The following FAM78B variants were observed in gnomAD, a reference collection of about 807,000 sequenced individuals.
FAM78B encodes the protein protein FAM78B.
FAM78B carries 10 observed loss-of-function variants against 20.0 expected under a neutral mutation model. That is an observed-to-expected ratio of 0.50 (90% CI 0.31 to 0.85). FAM78B has a LOEUF of 0.85. Among genes scored for constraint, FAM78B ranks in the 40% least tolerant of loss-of-function variants. The probability of loss-of-function intolerance (pLI) is 0.05; values close to 1 mark genes in which losing one functional copy is unlikely to be tolerated. For synonymous variants in FAM78B, 135 were observed against 132.8 expected (o/e 1.02, Z -0.12); for missense variants, 283 against 345.0 (o/e 0.82, Z 1.42).
intron 1 of FAM78B, among the ~76,000 whole-genome samples, chr1:166,151,714 AC>A (rs1288320383): frequency 6.6e-6 from 1 of 152,184 alleles, no homozygotes; most frequent in Non-Finnish European, 1.5e-5. Flanking sequence ...CAAGTGCCAG[AC>A]CCACTCAACT....
intron 1 of FAM78B, among the ~76,000 whole-genome samples, chr1:166,109,602 A>C (rs550533342): frequency 6.6e-6 from 1 of 151,694 alleles, no homozygotes; most frequent in South Asian, 2.1e-4. Context: ...AACAGTGTGG[A>C]GATTCCTTAA....
intron 1 of FAM78B, among the ~76,000 whole-genome samples, chr1:166,077,098 G>GTTAA (rs1278080783): frequency 1.3e-5 from 2 of 152,212 alleles, no homozygotes; most frequent in African/African-American, 4.8e-5. Context: ...CATTCGACTT[G>GTTAA]TTAATTTTCA....
chr1:166,089,112 T>C (rs1571150947), intron 1 of FAM78B, among the ~76,000 whole-genome samples: 1 of 152,192 alleles, frequency 6.6e-6, no homozygotes, highest in Non-Finnish European at 1.5e-5. Flanking sequence ...GAGTAATCCT[T>C]AGGTCTAAAC....
At chr1:166,109,890 G>GTATATATGTATGTATATATA (rs1557903394) in intron 1 of FAM78B, among the ~76,000 whole-genome samples, 2 of 23,198 alleles carry the variant, frequency 8.6e-5, no homozygotes, top group Non-Finnish European at 2.3e-4. Context: ...ATGTATATAT[G>GTATATATGTATGTATATATA]TATATATATA....
chr1:166,139,656 G>A (rs1655205388), intron 1 of FAM78B, among the ~76,000 whole-genome samples: 1 of 152,114 alleles, frequency 6.6e-6, no homozygotes, highest in Non-Finnish European at 1.5e-5. Flanking sequence ...TTTGTGACTG[G>A]CTTCAGCACC....
chr1:166,078,124 T>C (rs1425717375), intron 1 of FAM78B, among the ~76,000 whole-genome samples: 1 of 151,020 alleles, frequency 6.6e-6, no homozygotes, highest in Non-Finnish European at 1.5e-5. Flanking sequence ...CTCCGCCTCT[T>C]GGGTTCAAGC....
intron 1 of FAM78B, among the ~76,000 whole-genome samples, chr1:166,115,360 T>C (rs1037208142): frequency 6.6e-6 from 1 of 152,232 alleles, no homozygotes; most frequent in African/African-American, 2.4e-5. Flanking sequence ...TGCATGGTTA[T>C]CTGGAGGCAG....
At chr1:166,117,131 C>T (rs929019661) in intron 1 of FAM78B, among the ~76,000 whole-genome samples, 1 of 152,180 alleles carries the variant, frequency 6.6e-6, no homozygotes, top group Non-Finnish European at 1.5e-5. Flanking sequence ...CTCTGTGTTG[C>T]ACTATGGTCT....
intron 1 of FAM78B, among the ~76,000 whole-genome samples, chr1:166,126,483 C>T (rs755350942): frequency 6.6e-6 from 1 of 152,042 alleles, no homozygotes; most frequent in Non-Finnish European, 1.5e-5. Context: ...AGGGAATGGT[C>T]CAGGTAGGCC....
At chr1:166,104,413 T>C (rs1653677097) in intron 1 of FAM78B, among the ~76,000 whole-genome samples, 2 of 152,176 alleles carry the variant, frequency 1.3e-5, no homozygotes, top group Non-Finnish European at 2.9e-5. Flanking sequence ...GAAGTCAAAT[T>C]GTCCCTGTTT....
intron 1 of FAM78B, among the ~76,000 whole-genome samples, chr1:166,072,393 T>C (rs555760939): frequency 7.9e-5 from 12 of 152,338 alleles, no homozygotes; most frequent in African/African-American, 2.9e-4. Flanking sequence ...CAGTGTATCA[T>C]GGTTGGCAGA....
At chr1:166,154,845 A>C (rs543763246) in intron 1 of FAM78B, 7 of 472,738 alleles carry the variant, frequency 1.5e-5, no homozygotes, top group South Asian at 7.7e-5. Context: ...TCTGTAAAAG[A>C]AGCAAATGAG....
At chr1:166,109,034 A>G (rs570306239) in intron 1 of FAM78B, among the ~76,000 whole-genome samples, 2 of 152,330 alleles carry the variant, frequency 1.3e-5, no homozygotes, top group African/African-American at 4.8e-5. Context: ...ACCTAAACCT[A>G]AGACCCAAAA....
chr1:166,087,529 C>A (rs1652881912), intron 1 of FAM78B: 1 of 152,208 alleles, frequency 6.6e-6, no homozygotes, highest in African/African-American at 2.4e-5. Context: ...TAGCGTACTT[C>A]AGGCACCATG....
intron 1 of FAM78B, among the ~76,000 whole-genome samples, chr1:166,159,460 A>T (rs916011719): frequency 6.6e-6 from 1 of 152,112 alleles, no homozygotes; most frequent in African/African-American, 2.4e-5. Context: ...ATGCAGTACG[A>T]ATTAGAAGGA....
chr1:166,107,699 C>G (rs1166173930), intron 1 of FAM78B, among the ~76,000 whole-genome samples: 1 of 152,110 alleles, frequency 6.6e-6, no homozygotes, highest in East Asian at 1.9e-4. Flanking sequence ...AAAAAGAAAA[C>G]TACAGACTGA....
At chr1:166,143,484 G>A (rs1482617441) in intron 1 of FAM78B, among the ~76,000 whole-genome samples, 4 of 152,184 alleles carry the variant, frequency 2.6e-5, no homozygotes, top group East Asian at 3.9e-4. Flanking sequence ...GGCCAACAGA[G>A]GCTTGGCATT....
In FAM78B at chr1:166,076,636, C is replaced by CT. The variant is rs1159990301; in HGVS notation, c.264-5874dup. 2.6e-5 allele frequency among the ~76,000 whole-genome samples: 4 copies of CT among 152,146 alleles called. No homozygotes were observed. In the East Asian group the frequency reaches 7.7e-4, roughly 29 times the overall value. On this transcript the variant is annotated intron_variant, in intron 1 of 1. Coordinates refer to ENST00000354422, the MANE Select transcript of FAM78B (RefSeq NM_001017961.5). Reference sequence around the variant, plus strand: ...TCACCCTACTCTCCAAATATAATCCCTAAGGCAAGGATTTTTATATATTTT... The same window carrying CT: ...TCACCCTACTCTCCAAATATAATCCCTTAAGGCAAGGATTTTTATATATTTT...
intron 1 of FAM78B, among the ~76,000 whole-genome samples, chr1:166,153,704 G>C (rs1198281346): frequency 4.6e-5 from 7 of 152,130 alleles, no homozygotes; most frequent in African/African-American, 1.7e-4. Context: ...ACATGACATC[G>C]CCCTGGATTC....
Sources: gnomAD v4.1 joint callset for allele counts (sites outside exome capture counted in the v4.1 genomes callset) on GRCh38, gnomAD v4.1.1 for gene constraint, MANE v1.5 for transcripts, NCBI Gene and HGNC (gene_info 2026-07-23, HGNC 2026-07-21) for gene names.